The following FAM131B variants were observed in gnomAD, a reference collection of about 807,000 sequenced individuals.
The protein encoded by FAM131B is protein FAM131B.
A neutral mutation model predicts 42.0 loss-of-function variants in FAM131B; 19 were observed. That is an observed-to-expected ratio of 0.45 (90% CI 0.32 to 0.66). FAM131B has a LOEUF of 0.66. FAM131B is among the 30% of genes least tolerant of loss of function. The pLI is 0.05. For synonymous variants in FAM131B, 183 were observed against 177.6 expected (o/e 1.03, Z -0.24); for missense variants, 370 against 468.4 (o/e 0.79, Z 1.94).
Position 143,354,213 on chromosome 7 carries a change from G to GA in FAM131B, c.*2336dup, listed in dbSNP as rs918948899. On this transcript the variant is annotated 3_prime_UTR_variant, in exon 7 of 7. Coordinates refer to ENST00000443739, the MANE Select transcript of FAM131B (RefSeq NM_001031690.3). ...TGCAGCAATATGCCAGCACCCTGGGGAAAGCAGGTTCATGTATGAACCCTG... is the reference window on the plus strand; with the variant it reads ...TGCAGCAATATGCCAGCACCCTGGGGAAAAGCAGGTTCATGTATGAACCCTG... 2.6e-5 allele frequency: 4 copies of GA among 152,658 alleles called. No individual in the cohort carries two copies. Among genetic ancestry groups the GA allele is most frequent in the African/African-American group, 9.6e-5 (4 of 41,554 alleles). 9.5% of individuals were successfully genotyped at this position (152,658 alleles called of 1,614,324 possible). A position where few individuals can be genotyped will look rare whatever the true frequency, so the allele number is the denominator to read the frequency against.
chr7:143,366,250 T>A (rs137866886), upstream of FAM131B, among the ~76,000 whole-genome samples: 1 of 152,330 alleles, frequency 6.6e-6, no homozygotes, highest in Non-Finnish European at 1.5e-5. Context: ...CTATCTACAT[T>A]TCTAAATTTT....
In FAM131B at chr7:143,357,371, G is replaced by A. The variant is rs1803715493; in HGVS notation, c.519C>T (p.Ser173=). 1.9e-6 allele frequency: 3 copies of A among 1,613,882 alleles called. No individual in the cohort carries two copies. The highest frequency in any genetic ancestry group is 8.5e-7 in the Non-Finnish European group (1 of 1,179,890). The part of the protein sequence containing the change: ...ISEATLMAWS[S]MDGEDMSVNS... ...TCACACTCATGTCCTCACCATCCAT[G>A]GAAGACCAGGCCATGAGTGTGGCCT... Residue 173 remains serine, a synonymous_variant, in exon 6 of 7, where the codon TCC becomes TCT. Transcript: ENST00000443739.
At chr7:143,381,311 C>G in the FAM131B span, 105 of 1,115,530 alleles carry the variant, frequency 9.4e-5, no homozygotes, top group Non-Finnish European at 1.1e-4. Context: ...GTGTGTCCCT[C>G]CCCGCCCGGC....
the FAM131B span, among the ~76,000 whole-genome samples, chr7:143,370,825 T>C: frequency 3.3e-5 from 5 of 152,244 alleles, no homozygotes; most frequent in Non-Finnish European, 5.9e-5. Flanking sequence ...CTTTCCTCTA[T>C]GGACTCGCCC....
At chr7:143,366,095 A>G (rs1329977762), upstream of FAM131B, among the ~76,000 whole-genome samples, 4 of 152,184 alleles carry the variant, frequency 2.6e-5, no homozygotes, top group Non-Finnish European at 4.4e-5. Context: ...GGGAAAATCT[A>G]TTCTGGATGT....
At position 143,359,808 on chromosome 7, in the gene FAM131B, C is replaced by G. The variant is rs891143725; in HGVS notation, c.139-41G>C. On this transcript the variant is annotated intron_variant, in intron 2 of 6. Transcript: ENST00000443739. This position sits in a 1 kb window ranked among gnomAD's most constrained non-coding sequence, Gnocchi z 5.4. Reference sequence around the variant, plus strand: ...AAAGGGAATGGGCATCCCAGTCACTCGCAGGAATGCAAGGAAGCCCCCTTC... The same window carrying G: ...AAAGGGAATGGGCATCCCAGTCACTGGCAGGAATGCAAGGAAGCCCCCTTC... The G allele has an allele frequency of 2.6e-6, 4 of 1,543,456 alleles. No individual in the cohort carries two copies. The highest frequency in any genetic ancestry group is 2.7e-5 in the African/African-American group (2 of 73,020).
chr7:143,371,998 A>G, the FAM131B span, among the ~76,000 whole-genome samples: 1 of 152,202 alleles, frequency 6.6e-6, no homozygotes, highest in Non-Finnish European at 1.5e-5. Context: ...TCTCCTTGCA[A>G]CAGGAAGCAA....
In FAM131B at chr7:143,360,028, G is replaced by T. The variant is rs1346931220; in HGVS notation, c.138+12C>A. On this transcript the variant is annotated intron_variant, in intron 2 of 6. Coordinates refer to ENST00000443739, the MANE Select transcript of FAM131B (RefSeq NM_001031690.3). ...GCAGCCAGAGACTTGGGGTGGCTGAGTGAGGTCTCACCTCAGTCGATGGCC... is the reference window on the plus strand; with the variant it reads ...GCAGCCAGAGACTTGGGGTGGCTGATTGAGGTCTCACCTCAGTCGATGGCC... 2 of 1,588,096 alleles carry T rather than the reference G, an allele frequency of 1.3e-6. No individual in the cohort carries two copies. The highest frequency in any genetic ancestry group is 1.7e-6 in the Non-Finnish European group (2 of 1,156,860).
chr7:143,363,699 G>A (rs554041005), upstream of FAM131B, among the ~76,000 whole-genome samples: 223 of 152,278 alleles, frequency 1.5e-3, 1 homozygote, highest in Middle Eastern at 0.014. Flanking sequence ...TTTGTCTAAG[G>A]TGTACCCAGA....
At position 143,360,057 on chromosome 7, in the gene FAM131B, G is replaced by A. The variant is rs751568716; in HGVS notation, c.121C>T (p.His41Tyr). The change falls in exon 2 of 7, where the codon CAT becomes TAT. Residue 41 changes from histidine (H) to tyrosine (Y), a missense_variant. His to Tyr is a moderately conservative substitution (Grantham distance 83, BLOSUM62 2). Transcript: ENST00000443739. ...GGTCTCACCTCAGTCGATGGCCGAT[G>A]GAGGCTGCTCCCGTGCAGTGAGCTG... ...STSSLHGSSL[H>Y]RPSTEQTRTD... is the part of the protein sequence containing the mutation. 6.2e-7 allele frequency: 1 copy of A among 1,613,270 alleles called. No homozygotes were observed. The highest frequency in any genetic ancestry group is 1.3e-5 in the African/African-American group (1 of 74,902).
chr7:143,363,394 C>T (rs535867686), upstream of FAM131B, among the ~76,000 whole-genome samples: 8 of 152,224 alleles, frequency 5.3e-5, no homozygotes, highest in South Asian at 1.7e-3. Context: ...ACAGTTCATT[C>T]GCAGTAGACT....
In FAM131B at chr7:143,357,430, G is replaced by A; in HGVS notation, c.467-7C>T. 4 of 1,602,384 alleles carry A rather than the reference G, an allele frequency of 2.5e-6. No individual in the cohort carries two copies. Among genetic ancestry groups the A allele is most frequent in the Non-Finnish European group, 3.4e-6 (4 of 1,174,906 alleles). On this transcript the variant is annotated splice_region_variant and splice_polypyrimidine_tract_variant and intron_variant, in intron 5 of 6. Transcript: ENST00000443739. The stretch of plus-strand genomic sequence containing the variant: ...GCAAACTGCTCCATGACGCCTGGGG[G>A]AAGAAATGCAACAACCACAAAATAC...
the FAM131B span, chr7:143,381,582 C>A: frequency 2.5e-6 from 4 of 1,610,500 alleles, no homozygotes; most frequent in Non-Finnish European, 3.4e-6. Context: ...ATGGCGGCCC[C>A]CCGCCCGTCT....
At chr7:143,375,854 C>T in the FAM131B span, among the ~76,000 whole-genome samples, 1 of 152,212 alleles carries the variant, frequency 6.6e-6, no homozygotes, top group East Asian at 1.9e-4. Flanking sequence ...TGATGCTCCA[C>T]TAGCGGCTGC....
Position 143,357,301 on chromosome 7 carries a change from G to C in FAM131B, c.589C>G (p.Gln197Glu). 6.2e-7 allele frequency: 1 copy of C among 1,614,168 alleles called. No homozygotes were observed. The highest frequency in any genetic ancestry group is 1.1e-5 in the South Asian group (1 of 91,068). The change falls in exon 6 of 7, where the codon CAG becomes GAG. Residue 197 changes from glutamine (Q) to glutamate (E), a missense_variant. Coordinates refer to ENST00000443739, the MANE Select transcript of FAM131B (RefSeq NM_001031690.3). ...TCACCCTGACTGTCCATCAGTTCCT[G>C]GTAGTTGTCACTGTAGTTGCAGCCC... ...PLGCNYSDNY[Q>E]ELMDSQDALA... is the part of the protein sequence containing the mutation.
Position 143,357,007 on chromosome 7 carries a change from G to A in FAM131B, c.626C>T (p.Ala209Val), listed in dbSNP as rs1428484219. 2.5e-6 allele frequency: 4 copies of A among 1,611,550 alleles called. No individual in the cohort carries two copies. The highest frequency in any genetic ancestry group is 1.7e-5 in the Admixed American group (1 of 59,970). ...LMDSQDALAQ[A>V]PMDGWPHSYV... ...AGAGTGAGGCCATCCATCCATGGGT[G>A]CTTGAGCCAGGGCATCTGGAAAAAG... is the stretch of plus-strand genomic sequence containing the variant. The change falls in exon 7 of 7, where the codon GCA becomes GTA. Residue 209 changes from alanine to valine, a missense_variant. Transcript: ENST00000443739.
upstream of FAM131B, among the ~76,000 whole-genome samples, chr7:143,363,417 A>G (rs972636968): frequency 1.4e-4 from 21 of 152,194 alleles, no homozygotes; most frequent in Non-Finnish European, 2.8e-4. Context: ...CAACAATGTC[A>G]GGACCCGAGG....
chr7:143,359,524 G>A lies in FAM131B; in HGVS notation c.175-105C>T. 9.8e-7 allele frequency: 1 copy of A among 1,016,736 alleles called. No individual in the cohort carries two copies. Among genetic ancestry groups the A allele is most frequent in the Non-Finnish European group, 1.5e-6 (1 of 654,670 alleles). The allele number at this position is 1,016,736 out of a possible 1,614,324, so 63.0% of individuals were successfully genotyped here. On this transcript the variant is annotated intron_variant, in intron 3 of 6. Transcript: ENST00000443739. The surrounding 1 kb of genome is among the most constrained non-coding windows in gnomAD (Gnocchi z 5.4). Reference sequence around the variant, plus strand: ...TCCAGGAAAAAGCATTCGAGCTAGGGCAGATGATAAGAAAAGCTACTATAC... The same window carrying A: ...TCCAGGAAAAAGCATTCGAGCTAGGACAGATGATAAGAAAAGCTACTATAC...
At position 143,362,090 on chromosome 7, in the gene FAM131B, C is replaced by A; in HGVS notation, c.28+486G>T. 2 of 982,340 alleles carry A rather than the reference C, an allele frequency of 2.0e-6. No homozygotes were observed. Among genetic ancestry groups the A allele is most frequent in the Non-Finnish European group, 2.4e-6 (2 of 826,846 alleles). The allele number at this position is 982,340 out of a possible 1,614,324, so 60.9% of individuals were successfully genotyped here. ...AGAGGGAGAGAGAGATGGGGCAAAG[C>A]ACCCGAGCCAGATGGAGGCGGCGGC... On this transcript the variant is annotated intron_variant, in intron 1 of 6. Coordinates refer to ENST00000443739, the MANE Select transcript of FAM131B (RefSeq NM_001031690.3). The surrounding 1 kb of genome is among the most constrained non-coding windows in gnomAD (Gnocchi z 7.7).
Sources: gnomAD v4.1 joint callset for allele counts (sites outside exome capture counted in the v4.1 genomes callset) on GRCh38, gnomAD v4.1.1 for gene constraint, Gnocchi (gnomAD v3.1) non-coding constraint, MANE v1.5 for transcripts, NCBI Gene and HGNC (gene_info 2026-07-23, HGNC 2026-07-21) for gene names.